Variants in LIN52 observed in about 807,000 individuals in gnomAD.
LIN52 encodes protein lin-52 homolog.
In LIN52, 4 loss-of-function variants were observed where a neutral mutation model predicts 18.5. The ratio of observed to expected loss-of-function variants is 0.22; its 90% CI spans 0.11 to 0.49. The LOEUF (loss-of-function observed/expected upper bound fraction) is 0.49. Among genes scored for constraint, LIN52 ranks in the 20% least tolerant of loss-of-function variants. LIN52 has a pLI of 0.97. For synonymous variants in LIN52, 34 were observed against 45.5 expected (o/e 0.75, Z 1.02); for missense variants, 102 against 139.5 (o/e 0.73, Z 1.35).
In LIN52 at chr14:74,148,035, A is replaced by G. The variant is rs941587910; in HGVS notation, c.283+46797A>G. Among the ~76,000 whole-genome samples, 12 of 152,340 alleles carry G rather than the reference A, an allele frequency of 7.9e-5. No individual in the cohort carries two copies. The East Asian group carries it at 2.3e-3, about 29-fold the overall frequency. On this transcript the variant is annotated intron_variant, in intron 5 of 5. Coordinates refer to ENST00000555028, the MANE Select transcript of LIN52 (RefSeq NM_001024674.3). ...ATTATATCTCAAGTTTTTAAAAGTTATATGAGAAAAGAAGAAAAAAGAAAA... is the reference window on the plus strand; with the variant it reads ...ATTATATCTCAAGTTTTTAAAAGTTGTATGAGAAAAGAAGAAAAAAGAAAA...
chr14:74,092,358 T>A (rs1468250651), intron 2 of LIN52, among the ~76,000 whole-genome samples: 1 of 150,120 alleles, frequency 6.7e-6, no homozygotes, highest in Non-Finnish European at 1.5e-5. Flanking sequence ...CAGGCTGGAG[T>A]GCAATTGCTC....
intron 5 of LIN52, among the ~76,000 whole-genome samples, chr14:74,140,630 A>G (rs1191365550): frequency 6.6e-6 from 1 of 152,188 alleles, no homozygotes; most frequent in Non-Finnish European, 1.5e-5. Context: ...CGTCACGAAA[A>G]GGGAAATCTG....
chr14:74,161,978 A>T (rs1053854353), intron 5 of LIN52, among the ~76,000 whole-genome samples: 1 of 152,116 alleles, frequency 6.6e-6, no homozygotes, highest in Non-Finnish European at 1.5e-5. Flanking sequence ...GTTGGGTCCA[A>T]CTCCAGTATC....
In LIN52 at chr14:74,173,415, A is replaced by G. The variant is rs773159646; in HGVS notation, c.284-25507A>G. On this transcript the variant is annotated intron_variant, in intron 5 of 5. Transcript: ENST00000555028. Reference sequence around the variant, plus strand: ...TTGGTCAGGCTCGTCTTGAACTCCCAACCTCAGGTGATCCGCCCGCCTTGG... The same window carrying G: ...TTGGTCAGGCTCGTCTTGAACTCCCGACCTCAGGTGATCCGCCCGCCTTGG... 7.3e-4 allele frequency among the ~76,000 whole-genome samples: 111 copies of G among 152,140 alleles called. 1 individual carries two copies. The highest frequency in any genetic ancestry group is 1.3e-3 in the Non-Finnish European group (91 of 67,974).
intron 5 of LIN52, among the ~76,000 whole-genome samples, chr14:74,185,586 T>TGGCTC (rs1157632327): frequency 6.6e-6 from 1 of 152,164 alleles, no homozygotes; most frequent in Non-Finnish European, 1.5e-5. Context: ...GTGCTGGGAT[T>TGGCTC]ACAGGCATGA....
chr14:74,178,911 T>C (rs2061304669), intron 5 of LIN52, among the ~76,000 whole-genome samples: 1 of 151,402 alleles, frequency 6.6e-6, no homozygotes, highest in African/African-American at 2.4e-5. Flanking sequence ...TGAGACCCCA[T>C]CTCTACAAAA....
chr14:74,181,658 A>G lies in LIN52; in HGVS notation c.284-17264A>G, dbSNP rs1314016109. On this transcript the variant is annotated intron_variant, in intron 5 of 5. Coordinates refer to ENST00000555028, the MANE Select transcript of LIN52 (RefSeq NM_001024674.3). ...CTGTAGAGTTTCAGTGATACAGACT[A>G]TTATACTCAATATAATTTTCTGGCT... Among the ~76,000 whole-genome samples, 8 of 150,956 alleles carry G rather than the reference A, an allele frequency of 5.3e-5. No individual in the cohort carries two copies. The Admixed American group carries it at 5.3e-4, about 10-fold the overall frequency.
chr14:74,200,912 G>T lies in LIN52; in HGVS notation c.*1935G>T, dbSNP rs755037900. On this transcript the variant is annotated 3_prime_UTR_variant, in exon 6 of 6. Coordinates refer to ENST00000555028, the MANE Select transcript of LIN52 (RefSeq NM_001024674.3). ...AGTTGATGACATCAGGCACTTTTCA[G>T]TGTTTGGGGAAATTGATTGGGATAC... The T allele has an allele frequency of 6.6e-5, 10 of 152,176 alleles. No homozygotes were observed. The highest frequency in any genetic ancestry group is 1.3e-4 in the Non-Finnish European group (9 of 68,030). 9.4% of individuals were successfully genotyped at this position (152,176 alleles called of 1,614,324 possible).
At chr14:74,105,975 T>C (rs941753343) in intron 5 of LIN52, among the ~76,000 whole-genome samples, 6 of 152,192 alleles carry the variant, frequency 3.9e-5, no homozygotes, top group East Asian at 1.9e-4. Flanking sequence ...GATAACCCTT[T>C]TGGTGTGCAA....
chr14:74,173,529 T>C (rs1421035888), intron 5 of LIN52, among the ~76,000 whole-genome samples: 1 of 152,244 alleles, frequency 6.6e-6, no homozygotes, highest in Admixed American at 6.5e-5. Context: ...TTTCACTTTG[T>C]GGATTTTGAT....
intron 5 of LIN52, among the ~76,000 whole-genome samples, chr14:74,125,636 C>T (rs1010239847): frequency 1.3e-5 from 2 of 151,906 alleles, no homozygotes; most frequent in African/African-American, 4.8e-5. Context: ...TTGGAACCAA[C>T]CCAAATGTCC....
chr14:74,188,034 A>G (rs1342293102), intron 5 of LIN52, among the ~76,000 whole-genome samples: 1 of 152,250 alleles, frequency 6.6e-6, no homozygotes, highest in East Asian at 1.9e-4. Context: ...ATTAAACAAC[A>G]AAATAGTTTA....
chr14:74,176,799 C>T (rs2061296245), intron 5 of LIN52, among the ~76,000 whole-genome samples: 1 of 152,162 alleles, frequency 6.6e-6, no homozygotes, highest in Non-Finnish European at 1.5e-5. Flanking sequence ...ATATTTCTAT[C>T]ACCCCAAAAG....
At chr14:74,149,053 A>C (rs1358652030) in intron 5 of LIN52, among the ~76,000 whole-genome samples, 1 of 152,138 alleles carries the variant, frequency 6.6e-6, no homozygotes, top group Non-Finnish European at 1.5e-5. Flanking sequence ...CTACATGTTA[A>C]ATGTTAACTT....
At chr14:74,170,630 A>G (rs2061266052) in intron 5 of LIN52, among the ~76,000 whole-genome samples, 1 of 152,134 alleles carries the variant, frequency 6.6e-6, no homozygotes, top group Non-Finnish European at 1.5e-5. Context: ...AAGAGATAGA[A>G]AAGTTAGAGG....
intron 5 of LIN52, among the ~76,000 whole-genome samples, chr14:74,180,347 G>A (rs1341999564): frequency 7.0e-6 from 1 of 143,180 alleles, no homozygotes; most frequent in Admixed American, 7.4e-5. Context: ...CTCACTGCAA[G>A]CTCCGCCTCC....
chr14:74,182,790 C>T (rs2061323917), intron 5 of LIN52, among the ~76,000 whole-genome samples: 1 of 152,168 alleles, frequency 6.6e-6, no homozygotes, highest in African/African-American at 2.4e-5. Flanking sequence ...TCTTTCTCTC[C>T]ACTTGCCAGC....
intron 4 of LIN52, 125 bp from the exon 5 acceptor site, chr14:74,101,030 C>T: frequency 1.4e-6 from 1 of 736,262 alleles, no homozygotes; most frequent in Admixed American, 2.6e-5. Context: ...GTTACGGATC[C>T]ATTTTCTACT....
At chr14:74,094,059 A>G (rs559241587) in intron 2 of LIN52, among the ~76,000 whole-genome samples, 7 of 151,984 alleles carry the variant, frequency 4.6e-5, no homozygotes, top group African/African-American at 1.2e-4. Flanking sequence ...TTAAGTATGT[A>G]TAAGAGGGAT....
Sources: gnomAD v4.1 joint callset for allele counts (sites outside exome capture counted in the v4.1 genomes callset) on GRCh38, gnomAD v4.1.1 for gene constraint, MANE v1.5 for transcripts, NCBI Gene and HGNC (gene_info 2026-07-23, HGNC 2026-07-21) for gene names.